The following CEP170B variants were observed in gnomAD, a reference collection of about 807,000 sequenced individuals.
CEP170B encodes the protein centrosomal protein 170B.
A neutral mutation model predicts 120.6 loss-of-function variants in CEP170B; 55 were observed. The observed-to-expected ratio is 0.46, with a 90% CI of 0.37 to 0.57. CEP170B has a LOEUF of 0.57. CEP170B is among the 20% of genes least tolerant of loss of function. The probability of loss-of-function intolerance (pLI) is 0.00; values close to 1 mark genes in which losing one functional copy is unlikely to be tolerated. For synonymous variants in CEP170B, 1,033 were observed against 954.5 expected, an observed-to-expected ratio of 1.08 and a Z score of -1.52; for missense variants, 2,212 against 2,253.3, an observed-to-expected ratio of 0.98 and a Z score of 0.37.
At position 104,877,984 on chromosome 14, in the gene CEP170B, C is replaced by G. The variant is rs374589184; in HGVS notation, c.274+21C>G. ...CTACGATATCCTGCCCCTGAGCGTC[C>G]CTCCTCCTGGGCTTCTTCTCAGTCC... On this transcript the variant is annotated intron_variant, in intron 4 of 18. Transcript: ENST00000414716. 8 of 1,583,266 alleles carry G rather than the reference C, an allele frequency of 5.1e-6. No individual in the cohort carries two copies. The East Asian group carries it at 1.8e-4, about 36-fold the overall frequency.
rs1317841227 is a variant in CEP170B at position 104,886,392 on chromosome 14, G to A, written c.2153G>A (p.Ser718Asn). The A allele has an allele frequency of 3.2e-6, 5 of 1,582,782 alleles. No homozygotes were observed. The African/African-American group carries it at 5.4e-5, about 17-fold the overall frequency. ...GACAGCCCTGCGGGCCCAGAGAGCA[G>A]CAGGAGGAGTGGGCCTGGGCCACCG... ...RADSPAGPESSRRSGPGPPEL... is the reference protein window; with the variant it reads ...RADSPAGPESNRRSGPGPPEL... Residue 718 changes from serine to asparagine, a missense_variant, in exon 12 of 19, where the codon AGC becomes AAC. By Grantham distance (46) the Ser-to-Asn change is conservative. Around this residue, in one of 2 missense-constraint regions of CEP170B, gnomAD observed 2,166 missense variants for 2,166.7 expected, o/e 1.00. Coordinates refer to ENST00000414716, the MANE Select transcript of CEP170B (RefSeq NM_001112726.3).
Position 104,886,316 on chromosome 14 carries a change from C to T in CEP170B, c.2077C>T (p.Leu693=), listed in dbSNP as rs753713575. 12 of 1,548,134 alleles carry T rather than the reference C, an allele frequency of 7.8e-6. No individual in the cohort carries two copies. The highest frequency in any genetic ancestry group is 5.7e-5 in the Admixed American group (3 of 52,974). The change falls in exon 12 of 19, where the codon CTG becomes TTG. Residue 693 remains leucine, a synonymous_variant. Transcript: ENST00000414716. ...GRRGGEPEGS[L]PVRMRRRLPQ... is the part of the protein sequence containing the mutation. Reference sequence around the variant, plus strand: ...TAGAGGCGGGGAGCCGGAGGGGTCCCTGCCTGTGCGCATGCGGCGACGGCT... The same window carrying T: ...TAGAGGCGGGGAGCCGGAGGGGTCCTTGCCTGTGCGCATGCGGCGACGGCT...
chr14:104,870,474 C>T lies in CEP170B; in HGVS notation c.105+1919C>T, dbSNP rs1006075231. ...GTACAGGGGTGGCATCAGTGATGGC[C>T]GCGCTGCTCTACCTAGGGTGGCTAG... On this transcript the variant is annotated intron_variant, in intron 2 of 18. Coordinates refer to ENST00000414716, the MANE Select transcript of CEP170B (RefSeq NM_001112726.3). This position sits in a 1 kb window ranked among gnomAD's most constrained non-coding sequence, Gnocchi z 4.1. Among the ~76,000 whole-genome samples the T allele has an allele frequency of 6.6e-6, 1 of 152,170 alleles. No individual in the cohort carries two copies. Among genetic ancestry groups the T allele is most frequent in the Non-Finnish European group, 1.5e-5 (1 of 68,038 alleles).
At chr14:104,876,135 A>G in intron 2 of CEP170B, 121 bp from the exon 3 acceptor site, 1 of 898,696 alleles carries the variant, frequency 1.1e-6, no homozygotes. Flanking sequence ...CTCTGTGGTC[A>G]GAGGCCTGGG....
intron 2 of CEP170B, among the ~76,000 whole-genome samples, chr14:104,872,301 A>G (rs1436139107): frequency 3.9e-4 from 7 of 17,828 alleles, no homozygotes; most frequent in Non-Finnish European, 8.7e-4. Context: ...TGTGTGTGCC[A>G]TGGGTGTGCG....
Position 104,887,581 on chromosome 14 carries a change from C to G in CEP170B, c.3342C>G (p.Ser1114Arg). Residue 1114 changes from serine (S) to arginine (R), a missense_variant, in exon 12 of 19, where the codon AGC becomes AGG. Transcript: ENST00000414716. ...KGPQALTRSN[S>R]LSTPRPTRAS... is the part of the protein sequence containing the mutation. ...CGCAGGCCTTGACCCGCTCCAACAG[C>G]CTGTCCACCCCTCGCCCCACACGGG... 6.3e-7 allele frequency: 1 copy of G among 1,589,850 alleles called. No homozygotes were observed. The highest frequency in any genetic ancestry group is 8.5e-7 in the Non-Finnish European group (1 of 1,169,602).
chr14:104,893,050 C>T lies in CEP170B; in HGVS notation c.3953C>T (p.Thr1318Ile), dbSNP rs1896922461. ...EIHDVAGDGD[T>I]LGSSEPAHSA... ...CACGATGTGGCTGGGGACGGTGACACACTGGGCTCCTCGGAGCCTGCCCAC... is the reference window on the plus strand; with the variant it reads ...CACGATGTGGCTGGGGACGGTGACATACTGGGCTCCTCGGAGCCTGCCCAC... Residue 1318 changes from threonine (T) to isoleucine (I), a missense_variant, in exon 14 of 19, where the codon ACA becomes ATA. Thr to Ile is a moderately conservative substitution (Grantham distance 89). Transcript: ENST00000414716. The T allele has an allele frequency of 1.3e-6, 2 of 1,596,844 alleles. No homozygotes were observed. The highest frequency in any genetic ancestry group is 1.3e-5 in the African/African-American group (1 of 74,488).
At position 104,884,019 on chromosome 14, in the gene CEP170B, C is replaced by A. The variant is rs1434590020; in HGVS notation, c.1240C>A (p.Pro414Thr). 4 of 1,610,560 alleles carry A rather than the reference C, an allele frequency of 2.5e-6. No individual in the cohort carries two copies. The highest frequency in any genetic ancestry group is 3.4e-6 in the Non-Finnish European group (4 of 1,178,786). ...CATCGAGTTCTTCGACGAGGACACA[C>A]CCCGAAAGAAGCGCTCCCAGTCCTT... ...FVIEFFDEDTPRKKRSQSFTH... is the reference protein window; with the variant it reads ...FVIEFFDEDTTRKKRSQSFTH... The change falls in exon 9 of 19, where the codon CCC (proline) becomes ACC (threonine). Residue 414 changes from proline to threonine, a missense_variant. Pro to Thr is a conservative substitution (Grantham distance 38). Around this residue, in one of 2 missense-constraint regions of CEP170B, gnomAD observed 2,166 missense variants for 2,166.7 expected, o/e 1.00. Coordinates refer to ENST00000414716, the MANE Select transcript of CEP170B (RefSeq NM_001112726.3).
chr14:104,885,308 TG>T, intron 9 of CEP170B, 60 bp from the exon 10 acceptor site: 1 of 1,469,966 alleles, frequency 6.8e-7, no homozygotes, highest in Non-Finnish European at 9.0e-7. Context: ...CCAGTGTCAG[TG>T]GAGGGTTGGG....
At position 104,868,954 on chromosome 14, in the gene CEP170B, G is replaced by T. The variant is rs547188323; in HGVS notation, c.105+399G>T. Among the ~76,000 whole-genome samples the T allele has an allele frequency of 4.9e-4, 75 of 152,168 alleles. No homozygotes were observed. The highest frequency in any genetic ancestry group is 1.4e-3 in the Admixed American group (22 of 15,294). ...CATATTCTTGTTGTCTGGGGGCCCC[G>T]TCTATGCTGTGAGTGCTGCCTGAGC... On this transcript the variant is annotated intron_variant, in intron 2 of 18. Coordinates refer to ENST00000414716, the MANE Select transcript of CEP170B (RefSeq NM_001112726.3). This position sits in a 1 kb window ranked among gnomAD's most constrained non-coding sequence, Gnocchi z 5.9.
chr14:104,895,329 A>G lies in CEP170B; in HGVS notation c.*371A>G. 2 of 203,012 alleles carry G rather than the reference A, an allele frequency of 9.9e-6. No homozygotes were observed. Among genetic ancestry groups the G allele is most frequent in the East Asian group, 1.2e-4 (1 of 8,398 alleles). The allele number at this position is 203,012 out of a possible 1,614,324, so 12.6% of individuals were successfully genotyped here. On this transcript the variant is annotated 3_prime_UTR_variant, in exon 19 of 19. Transcript: ENST00000414716. Reference sequence around the variant, plus strand: ...TGGTGCCATTGCAGGTGCCCCCTCCAGGCCTGACTGGCTCCGCCAGGCACT... The same window carrying G: ...TGGTGCCATTGCAGGTGCCCCCTCCGGGCCTGACTGGCTCCGCCAGGCACT...
In CEP170B at chr14:104,870,871, G is replaced by A. The variant is rs549473891; in HGVS notation, c.105+2316G>A. The stretch of plus-strand genomic sequence containing the variant: ...ACTGAGGCTCAGGGAGGCCTTGCAG[G>A]TGTGGCGAGTGTGGGAAGGCTGTCT... On this transcript the variant is annotated intron_variant, in intron 2 of 18. Coordinates refer to ENST00000414716, the MANE Select transcript of CEP170B (RefSeq NM_001112726.3). This position sits in a 1 kb window ranked among gnomAD's most constrained non-coding sequence, Gnocchi z 4.1. Among the ~76,000 whole-genome samples, 1 of 152,136 alleles carries A rather than the reference G, an allele frequency of 6.6e-6. No homozygotes were observed. Among genetic ancestry groups the A allele is most frequent in the Non-Finnish European group, 1.5e-5 (1 of 67,962 alleles).
intron 2 of CEP170B, among the ~76,000 whole-genome samples, chr14:104,873,370 A>T (rs1375273596): frequency 6.6e-6 from 1 of 151,392 alleles, no homozygotes; most frequent in Non-Finnish European, 1.5e-5. Flanking sequence ...CTGGGCAAGG[A>T]TGCGGTGTGC....
rs1895281805 is a variant in CEP170B at position 104,868,037 on chromosome 14, G to A, written c.-27-387G>A. ...TGGGGACCCTGATGGGCTATGCTGGGTCCTACCCATGAGCTGCTCCTGATG... is the reference window on the plus strand; with the variant it reads ...TGGGGACCCTGATGGGCTATGCTGGATCCTACCCATGAGCTGCTCCTGATG... On this transcript the variant is annotated intron_variant, in intron 1 of 18. Coordinates refer to ENST00000414716, the MANE Select transcript of CEP170B (RefSeq NM_001112726.3). The surrounding 1 kb of genome is among the most constrained non-coding windows in gnomAD (Gnocchi z 5.9). Among the ~76,000 whole-genome samples the A allele has an allele frequency of 6.6e-6, 1 of 152,060 alleles. No homozygotes were observed. The highest frequency in any genetic ancestry group is 6.5e-5 in the Admixed American group (1 of 15,276).
chr14:104,877,804 A>AG, intron 3 of CEP170B, 81 bp from the exon 4 acceptor site: 1 of 572,574 alleles, frequency 1.7e-6, no homozygotes, highest in Non-Finnish European at 2.8e-6. Context: ...CCACCTGCTC[A>AG]GCCCCACCAC....
At chr14:104,877,305 G>A (rs1895905669) in intron 3 of CEP170B, among the ~76,000 whole-genome samples, 1 of 152,202 alleles carries the variant, frequency 6.6e-6, no homozygotes, top group African/African-American at 2.4e-5. Context: ...TTGTTGGCCT[G>A]GGTTGCATGG....
At chr14:104,873,654 G>A (rs2140644202) in intron 2 of CEP170B, among the ~76,000 whole-genome samples, 1 of 152,136 alleles carries the variant, frequency 6.6e-6, no homozygotes, top group East Asian at 1.9e-4. Context: ...CGGGTCTGAG[G>A]CTAGGGGAGC....
intron 2 of CEP170B, among the ~76,000 whole-genome samples, chr14:104,871,719 C>G (rs1341708440): frequency 6.6e-6 from 1 of 152,138 alleles, no homozygotes; most frequent in African/African-American, 2.4e-5. Flanking sequence ...GGAGCCGCAG[C>G]AGCAGGAGTT....
At position 104,895,377 on chromosome 14, in the gene CEP170B, T is replaced by G; in HGVS notation, c.*419T>G. 6.1e-6 allele frequency: 1 copy of G among 163,476 alleles called. No homozygotes were observed. The highest frequency in any genetic ancestry group is 1.3e-5 in the Non-Finnish European group (1 of 75,744). 10.1% of individuals were successfully genotyped at this position (163,476 alleles called of 1,614,324 possible). ...ACTAACCTGCCATAACCCTTTGTGC[T>G]GGCCTGCGGCCAGGCAGAGGAAGAG... is the stretch of plus-strand genomic sequence containing the variant. On this transcript the variant is annotated 3_prime_UTR_variant, in exon 19 of 19. Coordinates refer to ENST00000414716, the MANE Select transcript of CEP170B (RefSeq NM_001112726.3).
Sources: gnomAD v4.1 joint callset for allele counts (sites outside exome capture counted in the v4.1 genomes callset) on GRCh38, gnomAD v4.1.1 for gene constraint, gnomAD v4.1.1 regional missense constraint, Gnocchi (gnomAD v3.1) non-coding constraint, MANE v1.5 for transcripts, NCBI Gene and HGNC (gene_info 2026-07-23, HGNC 2026-07-21) for gene names.